Variants in DSCAM observed in about 807,000 individuals in gnomAD.
DSCAM encodes the protein cell adhesion molecule DSCAM.
A neutral mutation model predicts 217.7 loss-of-function variants in DSCAM; 47 were observed. The ratio of observed to expected loss-of-function variants is 0.22; its 90% CI spans 0.17 to 0.28. DSCAM has a LOEUF of 0.28. Ranked by LOEUF, DSCAM falls within the 10% of genes least tolerant of loss-of-function variation. The pLI, the probability that DSCAM is intolerant of heterozygous loss-of-function variation, is 1.00. For missense variants in DSCAM, 2,080 were observed against 2,618.3 expected, an observed-to-expected ratio of 0.79 and a Z score of 4.49; for synonymous variants, 1,056 against 1,015.3, an observed-to-expected ratio of 1.04 and a Z score of -0.76.
In DSCAM at chr21:40,052,102, G is replaced by A. The variant is rs772705523; in HGVS notation, c.5041C>T (p.Arg1681Cys). Reference protein sequence around the residue: ...ERDTMETIDDRSTVLLTDADF... With the variant: ...ERDTMETIDDCSTVLLTDADF... ...GCATCCGTCAACAGAACCGTGGAGC[G>A]ATCATCTACAGGATGGCAGGAACAC... The change falls in exon 30 of 33, where the codon CGC (arginine) becomes TGC (cysteine). Residue 1681 changes from arginine to cysteine, a missense_variant. Physicochemically the swap from Arg to Cys is radical, Grantham distance 180. Coordinates refer to ENST00000400454, the MANE Select transcript of DSCAM (RefSeq NM_001389.5). 7.0e-5 allele frequency: 113 copies of A among 1,613,386 alleles called. No individual in the cohort carries two copies. Among genetic ancestry groups the A allele is most frequent in the Non-Finnish European group, 8.9e-5 (105 of 1,179,818 alleles).
intron 4 of DSCAM, among the ~76,000 whole-genome samples, chr21:40,356,380 T>G (rs1381296060): frequency 1.7e-5 from 2 of 115,346 alleles, no homozygotes; most frequent in African/African-American, 6.3e-5. Context: ...GTTATTTTGC[T>G]TGATAGTGAT....
intron 8 of DSCAM, among the ~76,000 whole-genome samples, chr21:40,324,479 T>C (rs1438529341): frequency 6.6e-6 from 1 of 152,172 alleles, no homozygotes; most frequent in Non-Finnish European, 1.5e-5. Flanking sequence ...GGGAATGTGG[T>C]GGAAAGAACT....
chr21:40,707,559 A>T (rs891213781), intron 2 of DSCAM, among the ~76,000 whole-genome samples: 3 of 152,222 alleles, frequency 2.0e-5, no homozygotes, highest in African/African-American at 7.2e-5. Flanking sequence ...GATGTCTTCT[A>T]CCAGCACCTA....
chr21:40,729,787 G>C (rs1432580589), intron 1 of DSCAM, among the ~76,000 whole-genome samples: 1 of 152,088 alleles, frequency 6.6e-6, no homozygotes, highest in Non-Finnish European at 1.5e-5. Flanking sequence ...TTCCTCCAAA[G>C]ACATCCTCTA....
At chr21:40,224,522 A>T (rs2091314483) in intron 11 of DSCAM, among the ~76,000 whole-genome samples, 1 of 152,220 alleles carries the variant, frequency 6.6e-6, no homozygotes, top group Admixed American at 6.5e-5. Context: ...TGATGGGAAG[A>T]GCTCTATGAT....
intron 1 of DSCAM, among the ~76,000 whole-genome samples, chr21:40,726,002 C>A (rs1247907370): frequency 1.3e-5 from 2 of 152,014 alleles, no homozygotes; most frequent in Non-Finnish European, 2.9e-5. Context: ...ACAGACGGTA[C>A]AACATAGGTG....
chr21:40,585,176 C>CTTCT (rs148747489), intron 3 of DSCAM, among the ~76,000 whole-genome samples: 5 of 62,628 alleles, frequency 8.0e-5, no homozygotes, highest in Non-Finnish European at 1.1e-4. Flanking sequence ...GACAAATCAA[C>CTTCT]TTCTTTTTTT....
chr21:40,784,113 T>A (rs1270321343), intron 1 of DSCAM, among the ~76,000 whole-genome samples: 2 of 151,492 alleles, frequency 1.3e-5, no homozygotes, highest in Admixed American at 6.6e-5. Context: ...TTATTCATTT[T>A]ATTAGAGAAT....
intron 28 of DSCAM, among the ~76,000 whole-genome samples, chr21:40,061,810 G>A (rs115895821): frequency 2.8e-4 from 43 of 152,206 alleles, no homozygotes; most frequent in African/African-American, 1.0e-3. Flanking sequence ...GGAAGTCACA[G>A]GCAAATGTGT....
chr21:40,258,521 T>A (rs528432777), intron 11 of DSCAM, among the ~76,000 whole-genome samples: 1 of 152,334 alleles, frequency 6.6e-6, no homozygotes, highest in East Asian at 1.9e-4. Flanking sequence ...TTCCTCCCCA[T>A]CTAAATAGGA....
intron 3 of DSCAM, among the ~76,000 whole-genome samples, chr21:40,614,480 G>GA (rs1425933381): frequency 1.3e-5 from 2 of 152,154 alleles, no homozygotes; most frequent in African/African-American, 2.4e-5. Flanking sequence ...AAGTTCATGG[G>GA]AAAAAAGACC....
chr21:40,507,140 G>A (rs1437965062), intron 3 of DSCAM, among the ~76,000 whole-genome samples: 11 of 152,144 alleles, frequency 7.2e-5, no homozygotes, highest in Admixed American at 7.2e-4. Context: ...AGCCAGGCAT[G>A]GTGGCACACA....
At chr21:40,289,105 A>G (rs776054445) in intron 10 of DSCAM, among the ~76,000 whole-genome samples, 2 of 152,240 alleles carry the variant, frequency 1.3e-5, no homozygotes, top group Non-Finnish European at 2.9e-5. Flanking sequence ...TGGGAACAAC[A>G]TGAAAGCAAA....
intron 3 of DSCAM, among the ~76,000 whole-genome samples, chr21:40,675,144 A>G (rs1302302638): frequency 1.3e-5 from 2 of 152,130 alleles, no homozygotes; most frequent in Non-Finnish European, 2.9e-5. Flanking sequence ...CATGGGAAGG[A>G]GTGTTGACGG....
chr21:40,828,178 G>A (rs2091984784), intron 1 of DSCAM, among the ~76,000 whole-genome samples: 1 of 152,072 alleles, frequency 6.6e-6, no homozygotes, highest in Admixed American at 6.5e-5. Flanking sequence ...TGAGGCGGGG[G>A]GACTGTTTGA....
chr21:40,639,206 G>A (rs543141660), intron 3 of DSCAM, among the ~76,000 whole-genome samples: 3 of 152,088 alleles, frequency 2.0e-5, no homozygotes, highest in Admixed American at 6.5e-5. Context: ...GGGGAGTAAC[G>A]CCAAAACACG....
chr21:40,473,694 T>C (rs1274858814), intron 3 of DSCAM, among the ~76,000 whole-genome samples: 1 of 152,190 alleles, frequency 6.6e-6, no homozygotes, highest in Non-Finnish European at 1.5e-5. Flanking sequence ...ATAAGGTATT[T>C]GGACATAGGG....
chr21:40,597,500 C>CTT (rs10530311), intron 3 of DSCAM, among the ~76,000 whole-genome samples: 1,253 of 75,824 alleles, frequency 0.017, 64 homozygotes, highest in East Asian at 0.048. Flanking sequence ...CAGTAATAGG[C>CTT]TTTTTTTTTT....
At chr21:40,259,103 C>G (rs552516327) in intron 11 of DSCAM, among the ~76,000 whole-genome samples, 1 of 152,288 alleles carries the variant, frequency 6.6e-6, no homozygotes, top group East Asian at 1.9e-4. Flanking sequence ...ACTTAAAAAG[C>G]AAATGCATAC....
Sources: gnomAD v4.1 joint callset for allele counts (sites outside exome capture counted in the v4.1 genomes callset) on GRCh38, gnomAD v4.1.1 for gene constraint, MANE v1.5 for transcripts, NCBI Gene and HGNC (gene_info 2026-07-23, HGNC 2026-07-21) for gene names.